The following NTAQ1 variants were observed in gnomAD, a reference collection of about 807,000 sequenced individuals.
NTAQ1 encodes N-terminal glutamine amidase 1, also known as protein N-terminal glutamine amidohydrolase.
A neutral mutation model predicts 28.2 loss-of-function variants in NTAQ1; 21 were observed. The observed-to-expected ratio is 0.74, with a 90% CI of 0.53 to 1.07. The LOEUF (loss-of-function observed/expected upper bound fraction) is 1.07, where lower values mean the gene tolerates loss of function less well. Ranked by LOEUF, NTAQ1 falls within the 50% of genes least tolerant of loss-of-function variation. The pLI, the probability that NTAQ1 is intolerant of heterozygous loss-of-function variation, is 0.00. For missense variants in NTAQ1, 264 were observed against 256.6 expected (o/e 1.03, Z -0.20); for synonymous variants, 105 against 90.0 (o/e 1.17, Z -0.94).
rs374337732 is a variant in NTAQ1 at position 123,423,738 on chromosome 8, C to T, written c.84-4186C>T. ...GGGACTAAAAAGTCAGTGACTTTTA[C>T]GAAGTTTACATTTTTTTCTGTGTAA... On this transcript the variant is annotated intron_variant, in intron 1 of 5. Coordinates refer to ENST00000287387, the MANE Select transcript of NTAQ1 (RefSeq NM_018024.3). Among the ~76,000 whole-genome samples the T allele has an allele frequency of 3.3e-5, 5 of 152,126 alleles. No homozygotes were observed. In the East Asian group the frequency reaches 5.8e-4, roughly 18 times the overall value.
In NTAQ1 at chr8:123,439,195, T is replaced by C. The variant is rs1814898244; in HGVS notation, c.508+1861T>C. Among the ~76,000 whole-genome samples the C allele has an allele frequency of 4.6e-5, 7 of 152,236 alleles. No individual in the cohort carries two copies. In the South Asian group the frequency reaches 1.5e-3, roughly 32 times the overall value. On this transcript the variant is annotated intron_variant, in intron 5 of 5. Transcript: ENST00000287387. ...GCCAGCCCAATTTTCTTTCTTTCTT[T>C]TTTTTTTGTTGAGACTCTTGTTGCC...
At chr8:123,425,471 C>CTTT (rs74275579) in intron 1 of NTAQ1, among the ~76,000 whole-genome samples, 1 of 143,260 alleles carries the variant, frequency 7.0e-6, no homozygotes, top group East Asian at 2.0e-4. Context: ...CACCCCCCCA[C>CTTT]TTTTTTTTTT....
intron 6 of NTAQ1, chr8:123,447,987 C>G (rs1167717400): frequency 6.6e-6 from 1 of 152,198 alleles, no homozygotes; most frequent in African/African-American, 2.4e-5. Flanking sequence ...GTGCCACTTA[C>G]ATGACTGACC....
chr8:123,469,909 CATGTT>C (rs976572213), exon 7 of NTAQ1, among the ~76,000 whole-genome samples: 1 of 152,136 alleles, frequency 6.6e-6, no homozygotes, highest in African/African-American at 2.4e-5. Context: ...TTTGGGGAGA[CATGTT>C]ATGGACTAAA....
intron 2 of NTAQ1, among the ~76,000 whole-genome samples, chr8:123,429,400 A>G (rs1814259125): frequency 6.6e-6 from 1 of 152,150 alleles, no homozygotes; most frequent in South Asian, 2.1e-4. Flanking sequence ...TTTCTCATGT[A>G]TGTATTGCTT....
chr8:123,452,110 A>G (rs1436342947), downstream of NTAQ1, among the ~76,000 whole-genome samples: 1 of 152,218 alleles, frequency 6.6e-6, no homozygotes, highest in Non-Finnish European at 1.5e-5. Context: ...AAACGCAGAT[A>G]TGGAAAGCAC....
chr8:123,465,457 C>T lies in NTAQ1; in HGVS notation c.373-1622C>T, dbSNP rs1815938337. Among the ~76,000 whole-genome samples the T allele has an allele frequency of 2.6e-5, 4 of 152,090 alleles. No homozygotes were observed. In the South Asian group the frequency reaches 8.3e-4, roughly 32 times the overall value. On this transcript the variant is annotated intron_variant, in intron 6 of 6. Transcript: ENST00000650311. ...CAGGCCCTCCTGCCAACCCTAACCCCTGGCGACCACTCATCTGTTCTCTAT... is the reference window on the plus strand; with the variant it reads ...CAGGCCCTCCTGCCAACCCTAACCCTTGGCGACCACTCATCTGTTCTCTAT...
At chr8:123,468,173 G>A (rs1816002225) in exon 7 of NTAQ1, among the ~76,000 whole-genome samples, 1 of 152,196 alleles carries the variant, frequency 6.6e-6, no homozygotes, top group South Asian at 2.1e-4. Context: ...TAGGGAATAA[G>A]CTTCCTCCTA....
At chr8:123,429,879 C>CA (rs71310685) in intron 2 of NTAQ1, 104 bp from the exon 3 acceptor site, 75,882 of 332,014 alleles carry the variant, frequency 0.23, 3,562 homozygotes, top group African/African-American at 0.34. Context: ...GACTCTGTCT[C>CA]AAAAAAAAAA....
chr8:123,431,591 C>G (rs1012519399), intron 3 of NTAQ1, among the ~76,000 whole-genome samples: 2 of 152,210 alleles, frequency 1.3e-5, no homozygotes, highest in African/African-American at 4.8e-5. Flanking sequence ...AGCAGGTGAT[C>G]TTGCATGAAA....
chr8:123,442,399 A>C (rs1201936593), downstream of NTAQ1, among the ~76,000 whole-genome samples: 1 of 151,906 alleles, frequency 6.6e-6, no homozygotes, highest in African/African-American at 2.4e-5. Flanking sequence ...GGAGTTTGAG[A>C]CCAGCTTGGC....
At chr8:123,458,252 T>TC (rs1554658472) in intron 6 of NTAQ1, among the ~76,000 whole-genome samples, 28 of 151,194 alleles carry the variant, frequency 1.9e-4, no homozygotes, top group African/African-American at 4.6e-4. Flanking sequence ...TTTTTTTTTT[T>TC]CAAACAAACA....
chr8:123,443,491 T>A (rs1359700930), downstream of NTAQ1, among the ~76,000 whole-genome samples: 1 of 152,250 alleles, frequency 6.6e-6, no homozygotes, highest in African/African-American at 2.4e-5. Flanking sequence ...AATTCTTTCC[T>A]GGGCAAAGCC....
intron 3 of NTAQ1, among the ~76,000 whole-genome samples, chr8:123,435,947 C>T (rs1204319480): frequency 1.3e-5 from 2 of 151,756 alleles, no homozygotes; most frequent in Admixed American, 6.6e-5. Context: ...GCGGGTGGAT[C>T]GCCTGAGGTC....
downstream of NTAQ1, among the ~76,000 whole-genome samples, chr8:123,470,285 A>G (rs1191972986): frequency 6.6e-6 from 1 of 152,218 alleles, no homozygotes; most frequent in Non-Finnish European, 1.5e-5. Context: ...TACAAGGCAT[A>G]AGGGACAGTG....
At chr8:123,447,359 A>G (rs1477200341) in intron 6 of NTAQ1, among the ~76,000 whole-genome samples, 1 of 151,980 alleles carries the variant, frequency 6.6e-6, no homozygotes, top group East Asian at 1.9e-4. Flanking sequence ...TTTAAAAAAT[A>G]CACAATGTGA....
chr8:123,456,538 C>T (rs1815654758), intron 6 of NTAQ1, among the ~76,000 whole-genome samples: 1 of 152,184 alleles, frequency 6.6e-6, no homozygotes, highest in Non-Finnish European at 1.5e-5. Context: ...CAATATTAAT[C>T]CTTACAGGAA....
intron 6 of NTAQ1, among the ~76,000 whole-genome samples, chr8:123,447,317 T>G (rs1481848732): frequency 6.6e-6 from 1 of 150,740 alleles, no homozygotes; most frequent in Non-Finnish European, 1.5e-5. Flanking sequence ...AGGTTAACTT[T>G]TATTTATAAT....
downstream of NTAQ1, among the ~76,000 whole-genome samples, chr8:123,471,710 T>C (rs1243849103): frequency 6.6e-6 from 1 of 152,200 alleles, no homozygotes; most frequent in Non-Finnish European, 1.5e-5. Context: ...TCTCTCTTAC[T>C]CAAGGGAGAA....
Sources: gnomAD v4.1 joint callset for allele counts (sites outside exome capture counted in the v4.1 genomes callset) on GRCh38, gnomAD v4.1.1 for gene constraint, MANE v1.5 for transcripts, NCBI Gene and HGNC (gene_info 2026-07-23, HGNC 2026-07-21) for gene names.